The following GLIS3 variants were observed in gnomAD, a reference collection of about 807,000 sequenced individuals.
GLIS3 encodes the protein zinc finger protein GLIS3.
Under a neutral mutation model 78.6 loss-of-function variants are expected in GLIS3, and 53 were observed. The ratio of observed to expected loss-of-function variants is 0.67; its 90% CI spans 0.54 to 0.85. The LOEUF is 0.85. GLIS3 is among the 40% of genes least tolerant of loss of function. GLIS3 has a pLI of 0.00. For missense variants in GLIS3, 1,703 were observed against 1,231.1 expected, an observed-to-expected ratio of 1.38 and a Z score of -5.74; for synonymous variants, 684 against 509.9, an observed-to-expected ratio of 1.34 and a Z score of -4.60.
chr9:4,373,832 T>C, the GLIS3 span, among the ~76,000 whole-genome samples: 1,142 of 152,106 alleles, frequency 7.5e-3, 19 homozygotes, highest in African/African-American at 0.026. Context: ...CACGCCCAGT[T>C]AATTTTTGTA....
intron 2 of GLIS3, among the ~76,000 whole-genome samples, chr9:4,224,283 T>A (rs1344559087): frequency 2.6e-5 from 4 of 152,132 alleles, no homozygotes; most frequent in African/African-American, 9.7e-5. Context: ...CTTAAAAAAA[T>A]ATTCAATCGT....
chr9:4,139,803 A>T (rs114476173), intron 2 of GLIS3, among the ~76,000 whole-genome samples: 1 of 152,102 alleles, frequency 6.6e-6, no homozygotes, highest in African/African-American at 2.4e-5. Context: ...TTCTGCCTCT[A>T]TGAGAATCTA....
chr9:4,481,873 G>T, the GLIS3 span, among the ~76,000 whole-genome samples: 1 of 152,022 alleles, frequency 6.6e-6, no homozygotes, highest in Non-Finnish European at 1.5e-5. Context: ...CTACCCGCAG[G>T]GTGTGACACT....
chr9:4,383,453 G>A, the GLIS3 span, among the ~76,000 whole-genome samples: 4 of 152,260 alleles, frequency 2.6e-5, no homozygotes, highest in East Asian at 5.8e-4. Flanking sequence ...CATTTATTAT[G>A]TATCAAAGAT....
chr9:4,138,887 G>A (rs896710888), intron 2 of GLIS3, among the ~76,000 whole-genome samples: 1 of 152,134 alleles, frequency 6.6e-6, no homozygotes, highest in African/African-American at 2.4e-5. Context: ...TCCAAAACCA[G>A]GCACCCCAAA....
the GLIS3 span, among the ~76,000 whole-genome samples, chr9:4,414,946 T>C: frequency 5.3e-5 from 8 of 152,322 alleles, no homozygotes; most frequent in South Asian, 1.7e-3. Context: ...CCCTGCTCCT[T>C]AGCTTAAATC....
At chr9:4,020,005 C>T (rs1822752011) in intron 4 of GLIS3, among the ~76,000 whole-genome samples, 1 of 152,282 alleles carries the variant, frequency 6.6e-6, no homozygotes, top group Non-Finnish European at 1.5e-5. Context: ...TGATCCACCT[C>T]CTCCCAAAGC....
At chr9:4,154,743 T>C (rs562457368) in intron 2 of GLIS3, among the ~76,000 whole-genome samples, 2 of 152,282 alleles carry the variant, frequency 1.3e-5, no homozygotes, top group Non-Finnish European at 2.9e-5. Flanking sequence ...TATAAACCTT[T>C]GGGGAAGCAA....
chr9:3,972,417 T>C (rs1395265570), intron 4 of GLIS3, among the ~76,000 whole-genome samples: 1 of 152,206 alleles, frequency 6.6e-6, no homozygotes, highest in African/African-American at 2.4e-5. Flanking sequence ...TTGGAGGGCA[T>C]GTTAGCCTGC....
the GLIS3 span, among the ~76,000 whole-genome samples, chr9:4,371,434 T>A: frequency 6.6e-6 from 1 of 152,224 alleles, no homozygotes; most frequent in Non-Finnish European, 1.5e-5. Context: ...TCCTTTGAAC[T>A]TCTGTATGTG....
chr9:4,294,888 G>T (rs965021686), intron 1 of GLIS3, among the ~76,000 whole-genome samples: 1 of 152,150 alleles, frequency 6.6e-6, no homozygotes, highest in African/African-American at 2.4e-5. Context: ...AAAACATGGT[G>T]TAAGTGAAAT....
At chr9:4,445,378 G>A in the GLIS3 span, among the ~76,000 whole-genome samples, 1 of 152,168 alleles carries the variant, frequency 6.6e-6, no homozygotes, top group Non-Finnish European at 1.5e-5. Context: ...TATAATCCCA[G>A]CATTTGGGGA....
intron 4 of GLIS3, among the ~76,000 whole-genome samples, chr9:4,088,002 T>G (rs530208921): frequency 1.6e-3 from 247 of 152,356 alleles, no homozygotes; most frequent in Non-Finnish European, 2.9e-3. Context: ...ATGTCATTCA[T>G]GCACTAACAA....
chr9:4,383,021 G>C, the GLIS3 span, among the ~76,000 whole-genome samples: 2 of 152,292 alleles, frequency 1.3e-5, no homozygotes, highest in African/African-American at 4.8e-5. Flanking sequence ...AAAGGAAGTT[G>C]CAGAAACCTT....
intron 2 of GLIS3, among the ~76,000 whole-genome samples, chr9:4,212,062 G>A (rs1033285269): frequency 6.6e-6 from 1 of 152,152 alleles, no homozygotes; most frequent in Non-Finnish European, 1.5e-5. Flanking sequence ...ATCTTACTGG[G>A]ATTCTAAAAC....
At chr9:4,298,494 A>G (rs1176690957) in intron 1 of GLIS3, 6 of 441,758 alleles carry the variant, frequency 1.4e-5, no homozygotes, top group Non-Finnish European at 2.3e-5. Context: ...GTAACTTGGA[A>G]CTGTCGCTCG....
At chr9:4,426,991 A>C in the GLIS3 span, among the ~76,000 whole-genome samples, 161 of 152,194 alleles carry the variant, frequency 1.1e-3, no homozygotes, top group Middle Eastern at 0.01. Context: ...AGTAGAGCCC[A>C]TGTCTTAGTC....
At chr9:4,370,605 C>T in the GLIS3 span, among the ~76,000 whole-genome samples, 8 of 151,890 alleles carry the variant, frequency 5.3e-5, no homozygotes, top group African/African-American at 9.7e-5. Context: ...GACAGAAGAA[C>T]GGAAGCTGCA....
intron 3 of GLIS3, among the ~76,000 whole-genome samples, chr9:4,121,514 T>A (rs1014834669): frequency 2.6e-5 from 4 of 152,158 alleles, no homozygotes; most frequent in African/African-American, 9.7e-5. Context: ...GCATTTTCCC[T>A]ATATATGATC....
Sources: allele counts gnomAD v4.1 joint callset (sites outside exome capture counted in the v4.1 genomes callset), GRCh38; gene constraint gnomAD v4.1.1; transcripts MANE v1.5; gene names NCBI Gene and HGNC (gene_info 2026-07-23, HGNC 2026-07-21).